The following LRRC42 variants were observed in gnomAD, a reference collection of about 807,000 sequenced individuals.
The protein encoded by LRRC42 is leucine-rich repeat-containing protein 42.
In LRRC42, 43 loss-of-function variants were observed where a neutral mutation model predicts 44.3. The ratio of observed to expected loss-of-function variants is 0.97; its 90% confidence interval spans 0.76 to 1.25. The LOEUF is 1.25. Ranked by LOEUF, LRRC42 falls within the 50% of genes most tolerant of loss-of-function variation. The pLI is 0.00. For missense variants in LRRC42, 540 were observed against 509.1 expected (o/e 1.06, Z -0.58); for synonymous variants, 207 against 195.2 (o/e 1.06, Z -0.50).
chr1:53,946,599 T>G (rs1654468359), intron 1 of LRRC42, 50 bp downstream of exon 1: 2 of 65,108 alleles, frequency 3.1e-5, no homozygotes, highest in East Asian at 9.6e-4. Context: ...GGGTTGCGTG[T>G]GGGAGCGGGG....
rs1655180654 is a variant in LRRC42 at position 53,968,085 on chromosome 1, A to G, written c.*146A>G. ...TCTACTTTTGTGGTGTGGGAGGGGA[A>G]TGCTATGGAAGTATGTAATAATTTC... On this transcript the variant is annotated 3_prime_UTR_variant, in exon 9 of 9. Coordinates refer to ENST00000371370, the MANE Select transcript of LRRC42 (RefSeq NM_001256409.2). The G allele has an allele frequency of 1.3e-6, 1 of 762,638 alleles. No homozygotes were observed. The highest frequency in any genetic ancestry group is 2.1e-6 in the Non-Finnish European group (1 of 471,498). The allele number at this position is 762,638 out of a possible 1,614,324, so 47.2% of individuals were successfully genotyped here.
At chr1:53,948,631 G>A (rs998419188) in intron 2 of LRRC42, among the ~76,000 whole-genome samples, 1 of 152,100 alleles carries the variant, frequency 6.6e-6, no homozygotes, top group East Asian at 1.9e-4. Context: ...CAGCTACTAC[G>A]ATCTACATTG....
intron 2 of LRRC42, among the ~76,000 whole-genome samples, chr1:53,950,313 G>A (rs1286964255): frequency 6.6e-6 from 1 of 152,248 alleles, no homozygotes; most frequent in East Asian, 1.9e-4. Flanking sequence ...TGGGTAGTAT[G>A]ACAGGGCCAA....
At position 53,955,659 on chromosome 1, in the gene LRRC42, C is replaced by T. The variant is rs538390059; in HGVS notation, c.474-2490C>T. 6.6e-4 allele frequency among the ~76,000 whole-genome samples: 95 copies of T among 143,156 alleles called. 1 individual carries two copies. The highest frequency in any genetic ancestry group is 2.2e-3 in the African/African-American group (83 of 38,236). 93.9% of individuals were successfully genotyped at this position (143,156 alleles called of 152,430 possible). On this transcript the variant is annotated intron_variant, in intron 3 of 8. Coordinates refer to ENST00000371370, the MANE Select transcript of LRRC42 (RefSeq NM_001256409.2). Reference sequence around the variant, plus strand: ...TTTTTTTTTTTTTGAGACGGAGTCTCGCTCTGTCACCCAGGCTGGAGTGCA... The same window carrying T: ...TTTTTTTTTTTTTGAGACGGAGTCTTGCTCTGTCACCCAGGCTGGAGTGCA...
chr1:53,961,900 T>A (rs1655003728), intron 5 of LRRC42, 134 bp from the exon 6 acceptor site: 2 of 643,172 alleles, frequency 3.1e-6, no homozygotes, highest in South Asian at 3.9e-5. Context: ...TGTATTTAAT[T>A]TACTTTGAAA....
chr1:53,951,087 C>T (rs887158701), intron 2 of LRRC42, among the ~76,000 whole-genome samples: 12 of 152,200 alleles, frequency 7.9e-5, no homozygotes, highest in Admixed American at 1.3e-4. Context: ...CAGCAGATGG[C>T]AGACTCAGAA....
chr1:53,960,618 T>G, intron 5 of LRRC42, 144 bp downstream of exon 5: 1 of 638,722 alleles, frequency 1.6e-6, no homozygotes, highest in African/African-American at 1.8e-5. Context: ...AGAACAGGAT[T>G]GAGGCCAAAG....
chr1:53,951,877 C>A, intron 2 of LRRC42, 109 bp from the exon 3 acceptor site: 2 of 899,784 alleles, frequency 2.2e-6, no homozygotes, highest in African/African-American at 1.7e-5. Context: ...CTAAACCAGC[C>A]ACCAGGCCTG....
chr1:53,952,005 T>A lies in LRRC42; in HGVS notation c.6T>A (p.Ser2=), dbSNP rs760926730. 6 of 1,613,198 alleles carry A rather than the reference T, an allele frequency of 3.7e-6. No individual in the cohort carries two copies. The East Asian group carries it at 1.3e-4, about 36-fold the overall frequency. The part of the protein sequence containing the change: M[S]YYLSSENHLD... ...TTACAGTTGCAACCAAGGCAATGTCTTACTACCTCAGCTCAGAAAACCACC... is the reference window on the plus strand; with the variant it reads ...TTACAGTTGCAACCAAGGCAATGTCATACTACCTCAGCTCAGAAAACCACC... Residue 2 remains serine, a synonymous_variant, in exon 3 of 9, where the codon TCT becomes TCA. Coordinates refer to ENST00000371370, the MANE Select transcript of LRRC42 (RefSeq NM_001256409.2).
At chr1:53,957,529 C>G (rs1008630866) in intron 3 of LRRC42, among the ~76,000 whole-genome samples, 1 of 152,202 alleles carries the variant, frequency 6.6e-6, no homozygotes, top group South Asian at 2.1e-4. Flanking sequence ...TTAAGTTGCT[C>G]GTGCTCAGGG....
Position 53,952,413 on chromosome 1 carries a change from A to G in LRRC42, c.414A>G (p.Leu138=). The G allele has an allele frequency of 6.2e-7, 1 of 1,610,614 alleles. No individual in the cohort carries two copies. The highest frequency in any genetic ancestry group is 8.5e-7 in the Non-Finnish European group (1 of 1,177,018). ...FTEPGAGLRA[L]QKFTEAYGSL... is the part of the protein sequence containing the mutation. ...AGCCAGGTGCAGGGCTGAGGGCTTT[A>G]CAGAAATTCACTGAGGCCTATGGAA... The change falls in exon 3 of 9, where the codon TTA becomes TTG. Residue 138 remains leucine, a synonymous_variant. Coordinates refer to ENST00000371370, the MANE Select transcript of LRRC42 (RefSeq NM_001256409.2).
intron 3 of LRRC42, among the ~76,000 whole-genome samples, chr1:53,955,077 TA>T (rs1261622047): frequency 6.6e-6 from 1 of 152,160 alleles, no homozygotes; most frequent in African/African-American, 2.4e-5. Flanking sequence ...ATGTAACTAT[TA>T]AGATAATATT....
intron 2 of LRRC42, among the ~76,000 whole-genome samples, chr1:53,951,248 G>A (rs980968271): frequency 1.3e-5 from 2 of 152,200 alleles, no homozygotes; most frequent in Admixed American, 6.5e-5. Context: ...ACATTCCATG[G>A]TACGTGTAAG....
Position 53,958,251 on chromosome 1 carries a change from A to G in LRRC42, c.576A>G (p.Leu192=), listed in dbSNP as rs142529385. 28 of 1,613,814 alleles carry G rather than the reference A, an allele frequency of 1.7e-5. No homozygotes were observed. In the African/African-American group the frequency reaches 3.7e-4, roughly 22 times the overall value. Residue 192 remains leucine (L), a synonymous_variant, in exon 4 of 9, where the codon CTA becomes CTG. Transcript: ENST00000371370. ...AGCTTGGAGATGAGCATGAACTTCT[A>G]GAACATCTCACCAATGAAGCCCTGT... ...CCKLGDEHEL[L]EHLTNEALSS...
At chr1:53,966,594 T>TA (rs1009439865) in intron 8 of LRRC42, among the ~76,000 whole-genome samples, 8 of 152,162 alleles carry the variant, frequency 5.3e-5, no homozygotes, top group African/African-American at 1.7e-4. Flanking sequence ...ATTACTTACT[T>TA]ACGTACCATC....
At chr1:53,957,969 C>T (rs1475563963) in intron 3 of LRRC42, among the ~76,000 whole-genome samples, 180 bp from the exon 4 acceptor site, 3 of 151,816 alleles carry the variant, frequency 2.0e-5, no homozygotes, top group Non-Finnish European at 4.4e-5. Flanking sequence ...AAAAGATGTT[C>T]AAGGCATTTA....
In LRRC42 at chr1:53,962,300, T is replaced by C. The variant is rs769807964; in HGVS notation, c.818T>C (p.Ile273Thr). 1 of 1,613,048 alleles carries C rather than the reference T, an allele frequency of 6.2e-7. No individual in the cohort carries two copies. Among genetic ancestry groups the C allele is most frequent in the Admixed American group, 1.7e-5 (1 of 60,018 alleles). ...GATCTGTCTCTGCCTCACTAGGACA[T>C]CAAAACCGTCAAGCACAAGCTCCAG... ...LDISGTGLKD[I>T]KTVKHKLQTH... Residue 273 changes from isoleucine (I) to threonine (T), a missense_variant, in exon 7 of 9, where the codon ATC (isoleucine) becomes ACC (threonine). Coordinates refer to ENST00000371370, the MANE Select transcript of LRRC42 (RefSeq NM_001256409.2).
At position 53,964,414 on chromosome 1, in the gene LRRC42, T is replaced by G. The variant is rs143048908; in HGVS notation, c.928-1882T>G. ...TTCCTCTCTCAGACACTAGACTCATTCCCAAGTATCCTCTGTAAATCTCCA... is the reference window on the plus strand; with the variant it reads ...TTCCTCTCTCAGACACTAGACTCATGCCCAAGTATCCTCTGTAAATCTCCA... On this transcript the variant is annotated intron_variant, in intron 7 of 8. Transcript: ENST00000371370. 5.5e-4 allele frequency among the ~76,000 whole-genome samples: 84 copies of G among 152,242 alleles called. No homozygotes were observed. In the East Asian group the frequency reaches 0.016, roughly 29 times the overall value.
In LRRC42 at chr1:53,958,141, C is replaced by A; in HGVS notation, c.474-8C>A. On this transcript the variant is annotated splice_region_variant and splice_polypyrimidine_tract_variant and intron_variant, in intron 3 of 8. Transcript: ENST00000371370. ...GGGAAGCTATTGATTGCTCTCCACG[C>A]TCCGTAGGTATCTCGTGATTTCAGA... is the stretch of plus-strand genomic sequence containing the variant. The A allele has an allele frequency of 6.2e-7, 1 of 1,613,416 alleles. No homozygotes were observed. The highest frequency in any genetic ancestry group is 1.3e-5 in the African/African-American group (1 of 75,026).
Sources: allele counts gnomAD v4.1 joint callset (sites outside exome capture counted in the v4.1 genomes callset), GRCh38; gene constraint gnomAD v4.1.1; transcripts MANE v1.5; gene names NCBI Gene and HGNC (gene_info 2026-07-23, HGNC 2026-07-21).